Variants in ZNF385D observed in about 807,000 individuals in gnomAD.
ZNF385D encodes the protein zinc finger protein 659.
A neutral mutation model predicts 35.8 loss-of-function variants in ZNF385D; 15 were observed. That is an observed-to-expected ratio of 0.42 (90% CI 0.28 to 0.64). The LOEUF (loss-of-function observed/expected upper bound fraction) is 0.64. Among genes scored for constraint, ZNF385D ranks in the 30% least tolerant of loss-of-function variants. The probability of loss-of-function intolerance (pLI) is 0.23; values close to 1 mark genes in which losing one functional copy is unlikely to be tolerated. For synonymous variants in ZNF385D, 212 were observed against 186.8 expected (o/e 1.13, Z -1.10); for missense variants, 474 against 494.6 (o/e 0.96, Z 0.39).
intron 3 of ZNF385D, among the ~76,000 whole-genome samples, chr3:22,092,133 A>G (rs889619177): frequency 6.6e-6 from 1 of 152,208 alleles, no homozygotes; most frequent in African/African-American, 2.4e-5. Flanking sequence ...GCACTGTCCT[A>G]GTCATCACTT....
intron 3 of ZNF385D, among the ~76,000 whole-genome samples, chr3:22,092,734 T>C (rs1442385375): frequency 4.6e-5 from 7 of 152,168 alleles, no homozygotes; most frequent in Non-Finnish European, 8.8e-5. Context: ...ATTTTTGATA[T>C]TAAGATTACT....
intron 2 of ZNF385D, among the ~76,000 whole-genome samples, chr3:21,663,462 G>C (rs560456062): frequency 6.6e-6 from 1 of 152,020 alleles, no homozygotes; most frequent in Non-Finnish European, 1.5e-5. Flanking sequence ...CACCTTGATG[G>C]GTAATTCCCC....
At chr3:21,525,961 C>T (rs907432790) in intron 3 of ZNF385D, among the ~76,000 whole-genome samples, 4 of 152,014 alleles carry the variant, frequency 2.6e-5, no homozygotes, top group Non-Finnish European at 5.9e-5. Context: ...CATATATTAA[C>T]AATTTACTTT....
chr3:21,465,413 G>A lies in ZNF385D; in HGVS notation c.440-28210C>T, dbSNP rs1046549121. On this transcript the variant is annotated intron_variant, in intron 4 of 7. Coordinates refer to ENST00000281523, the MANE Select transcript of ZNF385D (RefSeq NM_024697.3). This position sits in a 1 kb window ranked among gnomAD's most constrained non-coding sequence, Gnocchi z 4.2. ...TTTCTCTTTTCAAGATCAGTTGGAA[G>A]AGAAAGTTTCTTCTGCTCTTCCCAA... Among the ~76,000 whole-genome samples the A allele has an allele frequency of 4.6e-5, 7 of 152,196 alleles. No individual in the cohort carries two copies. The highest frequency in any genetic ancestry group is 1.3e-4 in the Admixed American group (2 of 15,286).
At chr3:21,493,413 T>C (rs1705580850) in intron 4 of ZNF385D, among the ~76,000 whole-genome samples, 2 of 152,172 alleles carry the variant, frequency 1.3e-5, no homozygotes, top group South Asian at 2.1e-4. Flanking sequence ...TTTTAGATGA[T>C]GCCATATTGA....
intron 3 of ZNF385D, among the ~76,000 whole-genome samples, chr3:21,953,909 A>G (rs1359542048): frequency 1.3e-5 from 2 of 152,078 alleles, no homozygotes; most frequent in Non-Finnish European, 2.9e-5. Flanking sequence ...GCAAAGCACT[A>G]ACAGAATTGT....
chr3:21,732,832 G>A (rs898242655), intron 1 of ZNF385D, among the ~76,000 whole-genome samples: 6 of 152,072 alleles, frequency 3.9e-5, no homozygotes, highest in African/African-American at 7.2e-5. Context: ...TTTTCTCCCT[G>A]TCTGTGGCTT....
intron 1 of ZNF385D, among the ~76,000 whole-genome samples, chr3:21,679,760 A>G (rs2066842002): frequency 6.6e-6 from 1 of 152,040 alleles, no homozygotes; most frequent in Non-Finnish European, 1.5e-5. Context: ...AATTTGGAGA[A>G]ATAATTATAT....
chr3:22,334,205 C>T lies in ZNF385D; in HGVS notation c.106+38245G>A, dbSNP rs193269696. Among the ~76,000 whole-genome samples the T allele has an allele frequency of 4.3e-4, 66 of 152,194 alleles. No homozygotes were observed. In the East Asian group the frequency reaches 9.6e-3, roughly 22 times the overall value. ...AGCAATTATCTTAATTACTTGAGTT[C>T]TATTTGTTATCTGTGTTACTTTTTC... On this transcript the variant is annotated intron_variant, in intron 2 of 5. Coordinates refer to the ZNF385D transcript ENST00000494108.
intron 2 of ZNF385D, among the ~76,000 whole-genome samples, chr3:22,204,645 G>A (rs1697025305): frequency 6.6e-6 from 1 of 151,918 alleles, no homozygotes; most frequent in Admixed American, 6.6e-5. Flanking sequence ...AATTCTACCA[G>A]ATATATTTAA....
chr3:21,931,201 T>G (rs1406465584), intron 3 of ZNF385D, among the ~76,000 whole-genome samples: 1 of 152,158 alleles, frequency 6.6e-6, no homozygotes, highest in African/African-American at 2.4e-5. Flanking sequence ...ATGCTCAGTA[T>G]CTTTAGTAGT....
chr3:22,277,301 T>C (rs904591360), intron 2 of ZNF385D, among the ~76,000 whole-genome samples: 10 of 152,078 alleles, frequency 6.6e-5, no homozygotes, highest in African/African-American at 2.4e-4. Flanking sequence ...GGGATTCAAG[T>C]AGCTTTGAGA....
intron 4 of ZNF385D, among the ~76,000 whole-genome samples, chr3:21,473,613 TG>T (rs1169645029): frequency 2.0e-5 from 3 of 152,128 alleles, no homozygotes; most frequent in African/African-American, 7.2e-5. Context: ...AGTTTTAACC[TG>T]TCTACTAAAA....
intron 4 of ZNF385D, among the ~76,000 whole-genome samples, chr3:21,469,445 A>G (rs1352843665): frequency 6.6e-6 from 1 of 152,306 alleles, no homozygotes; most frequent in South Asian, 2.1e-4. Context: ...ATATAAGCAC[A>G]TGGTACTAGC....
At chr3:21,762,755 C>T (rs1395564012) in intron 3 of ZNF385D, among the ~76,000 whole-genome samples, 2 of 152,146 alleles carry the variant, frequency 1.3e-5, no homozygotes, top group Non-Finnish European at 2.9e-5. Context: ...GGAGAGCTGC[C>T]TTGTCAAGGT....
At chr3:22,298,398 A>G (rs1044035732) in intron 2 of ZNF385D, among the ~76,000 whole-genome samples, 32 of 132,224 alleles carry the variant, frequency 2.4e-4, no homozygotes, top group South Asian at 1.6e-3. Context: ...GTGTGTGTAT[A>G]TATATGTAAA....
intron 3 of ZNF385D, among the ~76,000 whole-genome samples, chr3:21,558,531 T>A (rs2062824349): frequency 6.6e-6 from 1 of 152,158 alleles, no homozygotes; most frequent in Non-Finnish European, 1.5e-5. Flanking sequence ...TGTTATGATT[T>A]CCATTCTTTT....
chr3:21,728,761 C>A (rs765644587), intron 1 of ZNF385D, among the ~76,000 whole-genome samples: 3 of 152,164 alleles, frequency 2.0e-5, no homozygotes, highest in Non-Finnish European at 2.9e-5. Context: ...CAAATATTAC[C>A]TTCCTAATGA....
In ZNF385D at chr3:22,205,477, T is replaced by A. The variant is rs75839968; in HGVS notation, c.107-36442A>T. Among the ~76,000 whole-genome samples the A allele has an allele frequency of 5.3e-5, 8 of 151,988 alleles. No homozygotes were observed. In the East Asian group the frequency reaches 1.4e-3, roughly 26 times the overall value. On this transcript the variant is annotated intron_variant, in intron 2 of 5. Transcript: ENST00000494108. ...AATAGTAAGCACACAGAAAAAGACA[T>A]AATATAGCACTGCAATTGTGGCATG...
Sources: gnomAD v4.1 joint callset for allele counts (sites outside exome capture counted in the v4.1 genomes callset) on GRCh38, gnomAD v4.1.1 for gene constraint, Gnocchi (gnomAD v3.1) non-coding constraint, MANE v1.5 for transcripts, NCBI Gene and HGNC (gene_info 2026-07-23, HGNC 2026-07-21) for gene names.